Variants in ABCB9 observed in about 807,000 individuals in gnomAD.
ABCB9 encodes ATP binding cassette subfamily B member 9.
A neutral mutation model predicts 62.0 loss-of-function variants in ABCB9; 36 were observed. The ratio of observed to expected loss-of-function variants is 0.58; its 90% CI spans 0.45 to 0.77. The LOEUF is 0.77. Among genes scored for constraint, ABCB9 ranks in the 30% least tolerant of loss-of-function variants. The probability of loss-of-function intolerance (pLI) is 0.00; values close to 1 mark genes in which losing one functional copy is unlikely to be tolerated. For synonymous variants in ABCB9, 435 were observed against 461.4 expected, an observed-to-expected ratio of 0.94 and a Z score of 0.73; for missense variants, 943 against 1,054.7, an observed-to-expected ratio of 0.89 and a Z score of 1.47.
chr12:122,954,451 G>GC (rs1022719728), intron 2 of ABCB9, among the ~76,000 whole-genome samples: 68 of 152,024 alleles, frequency 4.5e-4, no homozygotes, highest in Admixed American at 2.0e-3. Flanking sequence ...CAGGTGATCT[G>GC]CCCCCCCTTG....
downstream of ABCB9, chr12:122,924,859 CAG>C: frequency 2.6e-6 from 4 of 1,530,082 alleles, no homozygotes; most frequent in Non-Finnish European, 3.5e-6. Context: ...TTAATTGTAA[CAG>C]AAAAAAGTCA....
At chr12:122,954,208 ATTTTT>A (rs992539671) in intron 2 of ABCB9, among the ~76,000 whole-genome samples, 1 of 150,576 alleles carries the variant, frequency 6.6e-6, no homozygotes, top group Non-Finnish European at 1.5e-5. Flanking sequence ...TTTTTTATGT[ATTTTT>A]TTTATTTTTT....
In ABCB9 at chr12:122,938,194, C is replaced by T. The variant is rs145249297; in HGVS notation, c.1743+1917G>A. On this transcript the variant is annotated intron_variant, in intron 9 of 11. Coordinates refer to ENST00000280560, the MANE Select transcript of ABCB9 (RefSeq NM_019625.4). ...AACATAGACAAAATTGTCCACATCC[C>T]ACACTGGTATTTTTGGTAATGGTAA... 1.2e-3 allele frequency among the ~76,000 whole-genome samples: 190 copies of T among 152,280 alleles called. 1 individual carries two copies. The highest frequency in any genetic ancestry group is 0.011 in the Admixed American group (166 of 15,276).
At chr12:122,921,394 A>G (rs2034743499) in intron 11 of ABCB9, among the ~76,000 whole-genome samples, 1 of 152,180 alleles carries the variant, frequency 6.6e-6, no homozygotes, top group Non-Finnish European at 1.5e-5. Context: ...CAGGCTAGGC[A>G]ACAGAGCAAG....
rs751426509 is a variant in ABCB9, at chr12:122,923,380, C to T, written c.2041-2337G>A. Among the ~76,000 whole-genome samples, 126 of 152,156 alleles carry T rather than the reference C, an allele frequency of 8.3e-4. 1 individual carries two copies. Among genetic ancestry groups the T allele is most frequent in the Non-Finnish European group, 1.6e-3 (108 of 68,022 alleles). Reference sequence around the variant, plus strand: ...TCCACGCACTGCAAGCTCCGCCTCCCGGGTTCACGCCATTCTCCTGCTCAG... The same window carrying T: ...TCCACGCACTGCAAGCTCCGCCTCCTGGGTTCACGCCATTCTCCTGCTCAG... On this transcript the variant is annotated intron_variant, in intron 11 of 11. Coordinates refer to the ABCB9 transcript ENST00000344275.
intron 5 of ABCB9, 175 bp from the exon 6 acceptor site, chr12:122,946,397 A>G: frequency 4.7e-6 from 3 of 644,544 alleles, no homozygotes; most frequent in Non-Finnish European, 8.0e-6. Context: ...TTCTGGCTCA[A>G]TTTGACACAC....
At position 122,950,450 on chromosome 12, in the gene ABCB9, C is replaced by T; in HGVS notation, c.716+1G>A. On this transcript the variant is annotated splice_donor_variant, in intron 3 of 11. Transcript: ENST00000280560. LOFTEE classifies it high-confidence loss of function. ...CAGGGCGTGGGGGTTGAGCCAGCTA[C>T]CTGCCAATGGCCAGCAGGCACACGA... is the stretch of plus-strand genomic sequence containing the variant. 1 of 1,609,684 alleles carries T rather than the reference C, an allele frequency of 6.2e-7. No homozygotes were observed. Among genetic ancestry groups the T allele is most frequent in the South Asian group, 1.1e-5 (1 of 90,894 alleles).
chr12:122,926,326 CT>C (rs1338890606), downstream of ABCB9, among the ~76,000 whole-genome samples: 2 of 151,642 alleles, frequency 1.3e-5, no homozygotes, highest in African/African-American at 4.8e-5. Flanking sequence ...AGGTGGATTA[CT>C]TGAAGCCAGG....
intron 1 of ABCB9, among the ~76,000 whole-genome samples, chr12:122,961,471 C>A (rs961275593): frequency 6.6e-6 from 1 of 152,144 alleles, no homozygotes; most frequent in Non-Finnish European, 1.5e-5. Context: ...GGATCAAAAG[C>A]GTGAGCCACT....
At chr12:122,951,237 T>C (rs1198679389) in intron 2 of ABCB9, among the ~76,000 whole-genome samples, 2 of 150,082 alleles carry the variant, frequency 1.3e-5, no homozygotes, top group African/African-American at 4.9e-5. Flanking sequence ...CTAAAATATT[T>C]TCCTTTTTTT....
chr12:122,960,391 A>T, intron 1 of ABCB9, 69 bp from the exon 2 acceptor site: 2 of 1,044,454 alleles, frequency 1.9e-6, no homozygotes, highest in Non-Finnish European at 2.7e-6. Context: ...TGTGACCTTG[A>T]GAAAGTCACT....
intron 9 of ABCB9, 146 bp downstream of exon 9, chr12:122,939,965 T>C: frequency 8.9e-7 from 1 of 1,122,922 alleles, no homozygotes; most frequent in Middle Eastern, 2.8e-4. Flanking sequence ...AATGTTCTGT[T>C]TCTCTAGGAG....
upstream of ABCB9, among the ~76,000 whole-genome samples, chr12:122,970,967 C>T (rs943691074): frequency 3.3e-5 from 5 of 152,064 alleles, no homozygotes; most frequent in African/African-American, 4.8e-5. Context: ...AAAGGCAAAA[C>T]GGTGGAGACA....
At chr12:122,948,480 G>T in intron 5 of ABCB9, 144 bp downstream of exon 5, 2 of 744,140 alleles carry the variant, frequency 2.7e-6, no homozygotes, top group Non-Finnish European at 4.0e-6. Flanking sequence ...TTTATTGAAT[G>T]AGCGAAGAAA....
intron 1 of ABCB9, among the ~76,000 whole-genome samples, chr12:122,963,486 T>C (rs949394637): frequency 6.6e-6 from 1 of 152,020 alleles, no homozygotes; most frequent in African/African-American, 2.4e-5. Context: ...ATTATCCCCA[T>C]TTTACAGTTA....
At chr12:122,967,252 G>T (rs1190621278), upstream of ABCB9, among the ~76,000 whole-genome samples, 1 of 152,212 alleles carries the variant, frequency 6.6e-6, no homozygotes, top group Non-Finnish European at 1.5e-5. Flanking sequence ...TCAGGTACTG[G>T]ATGCAGTAAA....
chr12:122,973,584 A>G (rs1440516874), intron 1 of ABCB9, among the ~76,000 whole-genome samples: 3 of 136,582 alleles, frequency 2.2e-5, no homozygotes, highest in Non-Finnish European at 3.1e-5. Flanking sequence ...AAAAGAAAAA[A>G]AAAAAAAAAA....
chr12:122,939,450 C>T (rs1410247524), intron 9 of ABCB9: 1 of 152,432 alleles, frequency 6.6e-6, no homozygotes, highest in Non-Finnish European at 1.5e-5. Flanking sequence ...CATGAAGACT[C>T]TAAAAGTCAA....
downstream of ABCB9, among the ~76,000 whole-genome samples, chr12:122,927,949 TA>T (rs1346122542): frequency 2.6e-5 from 4 of 152,198 alleles, no homozygotes; most frequent in Non-Finnish European, 4.4e-5. Context: ...CTCTGCTTCC[TA>T]AAATCAAAAA....
Sources: allele counts gnomAD v4.1 joint callset (sites outside exome capture counted in the v4.1 genomes callset), GRCh38; gene constraint gnomAD v4.1.1; transcripts MANE v1.5; gene names NCBI Gene and HGNC (gene_info 2026-07-23, HGNC 2026-07-21).